The following FSTL5 variants were observed in gnomAD, a reference collection of about 807,000 sequenced individuals.
The protein encoded by FSTL5 is follistatin-related protein 5.
In FSTL5, 62 loss-of-function variants were observed where a neutral mutation model predicts 89.1. The observed-to-expected ratio is 0.70, with a 90% CI of 0.57 to 0.86. FSTL5 has a LOEUF of 0.86. Ranked by LOEUF, FSTL5 falls within the 40% of genes least tolerant of loss-of-function variation. The probability of loss-of-function intolerance (pLI) is 0.00; values close to 1 mark genes in which losing one functional copy is unlikely to be tolerated. For missense variants in FSTL5, 1,057 were observed against 1,001.6 expected, an observed-to-expected ratio of 1.06 and a Z score of -0.75; for synonymous variants, 383 against 346.2, an observed-to-expected ratio of 1.11 and a Z score of -1.18.
intron 3 of FSTL5, among the ~76,000 whole-genome samples, chr4:162,031,433 A>G (rs1332348363): frequency 6.6e-6 from 1 of 152,192 alleles, no homozygotes; most frequent in Admixed American, 6.6e-5. Flanking sequence ...TCATTTGCCA[A>G]TGAGTAAGCT....
At chr4:161,927,608 G>A (rs1180332845) in intron 3 of FSTL5, among the ~76,000 whole-genome samples, 2 of 151,492 alleles carry the variant, frequency 1.3e-5, no homozygotes, top group African/African-American at 2.4e-5. Context: ...TAAAATCAAC[G>A]CTAGTAAATT....
intron 15 of FSTL5, among the ~76,000 whole-genome samples, chr4:161,415,821 GATATATAT>G (rs60018441): frequency 0.33 from 46,401 of 139,630 alleles, 8,145 homozygotes; most frequent in East Asian, 0.66. Context: ...ACATATAGGG[GATATATAT>G]ATATATATAT....
chr4:161,696,920 A>G (rs772708396), intron 6 of FSTL5, among the ~76,000 whole-genome samples: 6 of 152,064 alleles, frequency 3.9e-5, no homozygotes, highest in Non-Finnish European at 7.4e-5. Context: ...CTTTTTCTTT[A>G]CCGATTAGGA....
intron 2 of FSTL5, among the ~76,000 whole-genome samples, chr4:162,049,681 T>G (rs905240898): frequency 1.3e-5 from 2 of 152,100 alleles, no homozygotes; most frequent in East Asian, 3.9e-4. Context: ...GAATAGCTAA[T>G]CTTTCTGTGA....
chr4:161,621,704 G>T (rs1037342724), intron 7 of FSTL5, among the ~76,000 whole-genome samples: 1 of 151,888 alleles, frequency 6.6e-6, no homozygotes, highest in South Asian at 2.1e-4. Context: ...CAGGCCAGGC[G>T]CAATGGCTCA....
chr4:161,459,178 T>A lies in FSTL5; in HGVS notation c.1716+34A>T, dbSNP rs751312073. 3.4e-6 allele frequency: 4 copies of A among 1,189,614 alleles called. No individual in the cohort carries two copies. In the African/African-American group the frequency reaches 4.5e-5, roughly 13 times the overall value. The allele number at this position is 1,189,614 out of a possible 1,614,324, so 73.7% of individuals were successfully genotyped here. On this transcript the variant is annotated intron_variant, in intron 14 of 15. Transcript: ENST00000306100. ...ATAAAATGTTGAAAGCTTTAAAGAT[T>A]GTTATTTTCTCTAATATACTGAAAT...
chr4:161,941,883 A>C (rs538632316), intron 3 of FSTL5, among the ~76,000 whole-genome samples: 1 of 151,996 alleles, frequency 6.6e-6, no homozygotes, highest in Non-Finnish European at 1.5e-5. Context: ...ATGTTAGGCC[A>C]CAAGACAAAT....
intron 6 of FSTL5, among the ~76,000 whole-genome samples, chr4:161,730,472 T>A (rs1739569564): frequency 6.6e-6 from 1 of 152,052 alleles, no homozygotes; most frequent in Non-Finnish European, 1.5e-5. Context: ...AAATTATTTT[T>A]AATTTTATTT....
intron 6 of FSTL5, among the ~76,000 whole-genome samples, chr4:161,730,540 G>A (rs1739573614): frequency 6.6e-6 from 1 of 151,904 alleles, no homozygotes; most frequent in Non-Finnish European, 1.5e-5. Context: ...AGATTTTCCT[G>A]CAATGGTATC....
chr4:161,904,228 A>G (rs1356568667), intron 4 of FSTL5, among the ~76,000 whole-genome samples: 1 of 152,124 alleles, frequency 6.6e-6, no homozygotes, highest in Non-Finnish European at 1.5e-5. Flanking sequence ...TTAAGCTCAC[A>G]GGACTTGGCC....
At chr4:161,684,928 T>C in intron 6 of FSTL5, among the ~76,000 whole-genome samples, 1 of 152,212 alleles carries the variant, frequency 6.6e-6, no homozygotes, top group African/African-American at 2.4e-5. Flanking sequence ...AGTTTTTGTA[T>C]AAGGTGAGAG....
intron 4 of FSTL5, among the ~76,000 whole-genome samples, chr4:161,785,395 G>C (rs1741866783): frequency 6.6e-6 from 1 of 152,104 alleles, no homozygotes; most frequent in Non-Finnish European, 1.5e-5. Context: ...CACTGGAACA[G>C]AAAGAACCTT....
intron 9 of FSTL5, among the ~76,000 whole-genome samples, chr4:161,538,813 G>A (rs1386880738): frequency 1.3e-5 from 2 of 151,884 alleles, no homozygotes; most frequent in Non-Finnish European, 2.9e-5. Flanking sequence ...ACCCATGCTG[G>A]AGTACAGTGG....
intron 1 of FSTL5, among the ~76,000 whole-genome samples, chr4:162,153,053 GA>G (rs1390268360): frequency 6.6e-6 from 1 of 152,120 alleles, no homozygotes; most frequent in Non-Finnish European, 1.5e-5. Context: ...GTTCATTCAA[GA>G]GGATTTTAAG....
chr4:162,103,819 A>C (rs755137703), intron 2 of FSTL5, among the ~76,000 whole-genome samples: 3 of 152,190 alleles, frequency 2.0e-5, no homozygotes, highest in Non-Finnish European at 4.4e-5. Flanking sequence ...ACACCCGACC[A>C]ATCAGAGAGC....
chr4:161,544,706 A>G (rs1458233632), intron 8 of FSTL5, among the ~76,000 whole-genome samples: 1 of 152,056 alleles, frequency 6.6e-6, no homozygotes, highest in Non-Finnish European at 1.5e-5. Flanking sequence ...AAGATGAGTT[A>G]TAAGAAATAA....
chr4:162,006,760 G>T (rs903525780), intron 3 of FSTL5, among the ~76,000 whole-genome samples: 3 of 151,858 alleles, frequency 2.0e-5, no homozygotes, highest in East Asian at 1.9e-4. Context: ...CAGTTAAAAT[G>T]GACTCTATTC....
At chr4:161,967,811 C>T in intron 3 of FSTL5, among the ~76,000 whole-genome samples, 1 of 151,666 alleles carries the variant, frequency 6.6e-6, no homozygotes, top group Admixed American at 6.6e-5. Context: ...TGTTTTCAAG[C>T]TAATAAAAGT....
chr4:161,718,883 ATACT>A (rs1340488551), intron 6 of FSTL5, among the ~76,000 whole-genome samples: 24 of 152,236 alleles, frequency 1.6e-4, no homozygotes, highest in African/African-American at 5.3e-4. Flanking sequence ...GAATCATCGT[ATACT>A]TATTTTATTC....
Sources: allele counts gnomAD v4.1 joint callset (sites outside exome capture counted in the v4.1 genomes callset), GRCh38; gene constraint gnomAD v4.1.1; transcripts MANE v1.5; gene names NCBI Gene and HGNC (gene_info 2026-07-23, HGNC 2026-07-21).